The following LRRC27 variants were observed in gnomAD, a reference collection of about 807,000 sequenced individuals.
LRRC27 encodes the protein leucine-rich repeat-containing protein 27.
LRRC27 carries 57 observed loss-of-function variants against 55.0 expected under a neutral mutation model. The ratio of observed to expected loss-of-function variants is 1.04; its 90% CI spans 0.84 to 1.29. The LOEUF (loss-of-function observed/expected upper bound fraction) is 1.29. Among genes scored for constraint, LRRC27 ranks in the 50% most tolerant of loss-of-function variants. The pLI is 0.00. For synonymous variants in LRRC27, 278 were observed against 251.9 expected (o/e 1.10, Z -0.98); for missense variants, 721 against 651.5 (o/e 1.11, Z -1.16).
rs1057025267 is a variant in LRRC27 at position 132,380,491 on chromosome 10, C to T, written c.*5249C>T. Reference sequence around the variant, plus strand: ...CATGTCTTCAGTACATTGTGTATCACGGTAAAAAGTGATCTGTTTTAACTG... The same window carrying T: ...CATGTCTTCAGTACATTGTGTATCATGGTAAAAAGTGATCTGTTTTAACTG... On this transcript the variant is annotated 3_prime_UTR_variant, in exon 11 of 11. Transcript: ENST00000368614. Among the ~76,000 whole-genome samples, 3 of 151,896 alleles carry T rather than the reference C, an allele frequency of 2.0e-5. No homozygotes were observed. The highest frequency in any genetic ancestry group is 4.8e-5 in the African/African-American group (2 of 41,352).
In LRRC27 at chr10:132,365,466, C is replaced by G. The variant is rs1244498035; in HGVS notation, c.1332C>G (p.His444Gln). ...ATTTAGAAGAGAAGATAAAACAGCACGTCCTCCAAATGCGTGAGCAAAGAA... is the reference window on the plus strand; with the variant it reads ...ATTTAGAAGAGAAGATAAAACAGCAGGTCCTCCAAATGCGTGAGCAAAGAA... ...ERNLEEKIKQ[H>Q]VLQMREQRRF... is the part of the protein sequence containing the mutation. Residue 444 changes from histidine to glutamine, a missense_variant, in exon 10 of 11, where the codon CAC becomes CAG. Physicochemically the swap from His to Gln is conservative, Grantham distance 24 (BLOSUM62 0). Transcript: ENST00000368614. The G allele has an allele frequency of 1.2e-6, 2 of 1,613,578 alleles. No homozygotes were observed. The highest frequency in any genetic ancestry group is 1.1e-5 in the South Asian group (1 of 91,090).
At chr10:132,344,705 T>C (rs993349377) in intron 5 of LRRC27, 55 bp downstream of exon 5, 87 of 1,590,028 alleles carry the variant, frequency 5.5e-5, no homozygotes, top group Non-Finnish European at 7.2e-5. Flanking sequence ...TACAGCTTTT[T>C]AAAATCAGGG....
rs1051728625 is a variant in LRRC27 at position 132,378,486 on chromosome 10, C to T, written c.*3244C>T. The T allele has an allele frequency of 2.6e-5, 4 of 151,552 alleles. No homozygotes were observed. Among genetic ancestry groups the T allele is most frequent in the Admixed American group, 6.6e-5 (1 of 15,202 alleles). 9.4% of individuals were successfully genotyped at this position (151,552 alleles called of 1,614,324 possible). ...GTGTGTGCACATGTGTGTATGCATT[C>T]GTGCGTACGAGTGTGTGCATGTGTG... On this transcript the variant is annotated 3_prime_UTR_variant, in exon 11 of 11. Coordinates refer to ENST00000368614, the MANE Select transcript of LRRC27 (RefSeq NM_030626.3).
chr10:132,348,482 C>T lies in LRRC27; in HGVS notation c.926+126C>T. The T allele has an allele frequency of 7.8e-7, 1 of 1,288,102 alleles. No individual in the cohort carries two copies. The highest frequency in any genetic ancestry group is 1.1e-6 in the Non-Finnish European group (1 of 931,842). The allele number at this position is 1,288,102 out of a possible 1,614,324, so 79.8% of individuals were successfully genotyped here. A position where few individuals can be genotyped will look rare whatever the true frequency, so the allele number is the denominator to read the frequency against. On this transcript the variant is annotated intron_variant, in intron 6 of 10. Transcript: ENST00000368614. This position sits in a 1 kb window ranked among gnomAD's most constrained non-coding sequence, Gnocchi z 4.2. ...CTCCACGTTGCCACCGTTTACTGTG[C>T]AGTGAGTGCCGGTCCCAGGTTTAGG... is the stretch of plus-strand genomic sequence containing the variant.
chr10:132,371,782 A>G (rs181053223), intron 10 of LRRC27, among the ~76,000 whole-genome samples: 11 of 152,282 alleles, frequency 7.2e-5, no homozygotes, highest in Admixed American at 5.9e-4. Context: ...TGCAAACATG[A>G]TGGCCGGAGC....
At chr10:132,364,426 C>CACCCACACTTACACCT (rs2068849637) in intron 9 of LRRC27, among the ~76,000 whole-genome samples, 13 of 144,800 alleles carry the variant, frequency 9.0e-5, no homozygotes, top group Non-Finnish European at 1.4e-4. Flanking sequence ...CGCTTACACC[C>CACCCACACTTACACCT]ACGCTTACAT....
chr10:132,355,923 A>G, intron 8 of LRRC27, 37 bp downstream of exon 8: 4 of 1,454,114 alleles, frequency 2.8e-6, no homozygotes, highest in Non-Finnish European at 3.8e-6. Flanking sequence ...GCACTAGTCC[A>G]GTCCCGGGGG....
chr10:132,342,442 G>A lies in LRRC27; in HGVS notation c.400+171G>A, dbSNP rs2273279. On this transcript the variant is annotated intron_variant, in intron 4 of 10. Coordinates refer to ENST00000368614, the MANE Select transcript of LRRC27 (RefSeq NM_030626.3). Reference sequence around the variant, plus strand: ...CTCTCAAGAACTGTTGATATAGCACGTACTGTTCTTATGGAGGTGTGACGT... The same window carrying A: ...CTCTCAAGAACTGTTGATATAGCACATACTGTTCTTATGGAGGTGTGACGT... 5.8e-4 allele frequency among the ~76,000 whole-genome samples: 89 copies of A among 152,284 alleles called. 1 individual carries two copies. The highest frequency in any genetic ancestry group is 1.9e-3 in the East Asian group (10 of 5,188).
Position 132,378,425 on chromosome 10 carries a change from G to A in LRRC27, c.*3183G>A, listed in dbSNP as rs1404424200. 6.8e-6 allele frequency: 1 copy of A among 146,406 alleles called. No individual in the cohort carries two copies. Among genetic ancestry groups the A allele is most frequent in the African/African-American group, 2.5e-5 (1 of 39,622 alleles). 9.1% of individuals were successfully genotyped at this position (146,406 alleles called of 1,614,324 possible). ...TTTTTTTTTTACTATTTTTTCCCCTGTTCTCCCTCTTCTCCCTGAGACTTC... is the reference window on the plus strand; with the variant it reads ...TTTTTTTTTTACTATTTTTTCCCCTATTCTCCCTCTTCTCCCTGAGACTTC... On this transcript the variant is annotated 3_prime_UTR_variant, in exon 11 of 11. Transcript: ENST00000368614.
At chr10:132,361,416 T>C (rs1262678508) in intron 8 of LRRC27, 41 bp from the exon 9 acceptor site, 1 of 1,493,578 alleles carries the variant, frequency 6.7e-7, no homozygotes, top group East Asian at 2.3e-5. Flanking sequence ...AAAAACATCA[T>C]CTACTGGGAT....
Position 132,374,293 on chromosome 10 carries a change from A to T in LRRC27, c.1417-773A>T, listed in dbSNP as rs1030701038. ...GGGACCTGCACTGGAGGTAGTGTCC[A>T]ACCTGTGCCCCCAGCAAGGCAAGCC... On this transcript the variant is annotated intron_variant, in intron 10 of 10. Transcript: ENST00000368614. The surrounding 1 kb of genome is among the most constrained non-coding windows in gnomAD (Gnocchi z 4.4). Among the ~76,000 whole-genome samples the T allele has an allele frequency of 1.3e-5, 2 of 152,116 alleles. No individual in the cohort carries two copies. Among genetic ancestry groups the T allele is most frequent in the Non-Finnish European group, 2.9e-5 (2 of 68,002 alleles).
At chr10:132,332,117 C>T, upstream of LRRC27, 1 of 197,440 alleles carries the variant, frequency 5.1e-6, no homozygotes, top group Non-Finnish European at 1.0e-5. Flanking sequence ...ATCACAGACA[C>T]ACTCGCGCTC....
intron 9 of LRRC27, among the ~76,000 whole-genome samples, chr10:132,364,638 TAACACCCACCC>T (rs2068924480): frequency 3.5e-5 from 1 of 28,320 alleles, no homozygotes; most frequent in Non-Finnish European, 7.6e-5. Flanking sequence ...CGCCCACACT[TAACACCCACCC>T]ACACTTACAT....
chr10:132,357,989 C>T lies in LRRC27; in HGVS notation c.1170+2103C>T, dbSNP rs959595913. Among the ~76,000 whole-genome samples, 3 of 152,246 alleles carry T rather than the reference C, an allele frequency of 2.0e-5. No individual in the cohort carries two copies. In the East Asian group the frequency reaches 5.8e-4, roughly 29 times the overall value. ...ACGCATGGAGAGGCCTGCTGCTTCC[C>T]TGTGCCACCCTCTGGGCCTGCGCTG... On this transcript the variant is annotated intron_variant, in intron 8 of 10. Transcript: ENST00000368614.
chr10:132,357,259 G>C (rs1202350635), intron 8 of LRRC27, among the ~76,000 whole-genome samples: 1 of 152,226 alleles, frequency 6.6e-6, no homozygotes, highest in South Asian at 2.1e-4. Context: ...AGGACACTCA[G>C]TCGCCATCTT....
chr10:132,331,777 C>G, upstream of LRRC27: 1 of 1,608,626 alleles, frequency 6.2e-7, no homozygotes, highest in South Asian at 1.1e-5. Flanking sequence ...CCGGTCGCCC[C>G]TCCAGACCCT....
chr10:132,331,638 C>T, upstream of LRRC27: 1 of 1,612,882 alleles, frequency 6.2e-7, no homozygotes, highest in East Asian at 2.2e-5. Context: ...GAGGACCGCT[C>T]CAAAGGTGGT....
At position 132,361,583 on chromosome 10, in the gene LRRC27, A is replaced by G; in HGVS notation, c.1289+8A>G. ...AGCAAGTAAAGAAATGAGGTTGGTAACTGCAACTGGCACTCAGTCCTTCCA... is the reference window on the plus strand; with the variant it reads ...AGCAAGTAAAGAAATGAGGTTGGTAGCTGCAACTGGCACTCAGTCCTTCCA... On this transcript the variant is annotated splice_region_variant and intron_variant, in intron 9 of 10. Coordinates refer to ENST00000368614, the MANE Select transcript of LRRC27 (RefSeq NM_030626.3). The G allele has an allele frequency of 1.3e-6, 2 of 1,595,818 alleles. No individual in the cohort carries two copies. The highest frequency in any genetic ancestry group is 1.7e-6 in the Non-Finnish European group (2 of 1,163,836).
At chr10:132,333,079 G>T (rs745743186) in intron 1 of LRRC27, among the ~76,000 whole-genome samples, 7 of 152,142 alleles carry the variant, frequency 4.6e-5, no homozygotes, top group Non-Finnish European at 8.8e-5. Flanking sequence ...TAAAAACATA[G>T]TTCAAATGGC....
Sources: allele counts gnomAD v4.1 joint callset (sites outside exome capture counted in the v4.1 genomes callset), GRCh38; gene constraint gnomAD v4.1.1; non-coding constraint Gnocchi (gnomAD v3.1); transcripts MANE v1.5; gene names NCBI Gene and HGNC (gene_info 2026-07-23, HGNC 2026-07-21).